Variants in NUS1 observed in about 807,000 individuals in gnomAD.
NUS1 encodes NUS1 dehydrodolichyl diphosphate synthase subunit, also known as dehydrodolichyl diphosphate synthase complex subunit NUS1.
For missense variants in NUS1, 292 were observed against 382.9 expected, an observed-to-expected ratio of 0.76 and a Z score of 1.98; for synonymous variants, 135 against 155.2, an observed-to-expected ratio of 0.87 and a Z score of 0.97.
rs144223256 is a variant in NUS1 at position 117,681,343 on chromosome 6, CAG to C, written c.415+5261_415+5262del. ...ATCCTTCTCATTTTTGCTTTTCTTA[CAG>C]AGTGTATCTTGGTGTTATGCATGTA... On this transcript the variant is annotated intron_variant, in intron 1 of 4. Transcript: ENST00000368494. 1.8e-3 allele frequency among the ~76,000 whole-genome samples: 277 copies of C among 152,232 alleles called. 1 individual carries two copies. Among genetic ancestry groups the C allele is most frequent in the African/African-American group, 6.3e-3 (260 of 41,536 alleles).
At chr6:117,678,133 A>C (rs1042917173) in intron 1 of NUS1, among the ~76,000 whole-genome samples, 1 of 152,252 alleles carries the variant, frequency 6.6e-6, no homozygotes, top group Non-Finnish European at 1.5e-5. Flanking sequence ...ATTAGTAATT[A>C]AAAGGAAGAA....
rs74634648 is a variant in NUS1 at position 117,684,424 on chromosome 6, C to T, written c.415+8339C>T. ...CTAATCCTTGTTTTAGTCTCCATTGCAGCCATCCAAGTTTAAATTACCATT... is the reference window on the plus strand; with the variant it reads ...CTAATCCTTGTTTTAGTCTCCATTGTAGCCATCCAAGTTTAAATTACCATT... On this transcript the variant is annotated intron_variant, in intron 1 of 4. Transcript: ENST00000368494. Among the ~76,000 whole-genome samples, 1,129 of 152,308 alleles carry T rather than the reference C, an allele frequency of 7.4e-3. 10 individuals carry two copies. The highest frequency in any genetic ancestry group is 0.026 in the African/African-American group (1,070 of 41,570).
At chr6:117,701,529 C>T (rs936537711) in intron 3 of NUS1, among the ~76,000 whole-genome samples, 15 of 152,132 alleles carry the variant, frequency 9.9e-5, no homozygotes, top group African/African-American at 3.6e-4. Context: ...CAGGCGTGAG[C>T]CACCACGCCC....
At chr6:117,700,382 T>G (rs1186567332) in intron 3 of NUS1, among the ~76,000 whole-genome samples, 1 of 152,236 alleles carries the variant, frequency 6.6e-6, no homozygotes, top group Admixed American at 6.5e-5. Context: ...AATAGGTATA[T>G]GCAAAGATGC....
chr6:117,694,898 A>C (rs1403024589), intron 3 of NUS1, among the ~76,000 whole-genome samples: 1 of 152,114 alleles, frequency 6.6e-6, no homozygotes, highest in African/African-American at 2.4e-5. Context: ...TTTACTTATT[A>C]ATCGTGCATT....
intron 4 of NUS1, among the ~76,000 whole-genome samples, chr6:117,705,373 T>C (rs1481727643): frequency 2.6e-5 from 4 of 152,204 alleles, no homozygotes; most frequent in Non-Finnish European, 5.9e-5. Context: ...ATCTTGACTA[T>C]ACAGCTCTAT....
chr6:117,697,440 C>A (rs890779091), intron 3 of NUS1, among the ~76,000 whole-genome samples: 5 of 151,878 alleles, frequency 3.3e-5, no homozygotes, highest in Admixed American at 6.6e-5. Flanking sequence ...GACACACAGA[C>A]TGAAAATAAA....
chr6:117,681,546 T>C (rs1159761801), intron 1 of NUS1, among the ~76,000 whole-genome samples: 3 of 152,236 alleles, frequency 2.0e-5, no homozygotes, highest in Admixed American at 2.0e-4. Flanking sequence ...GTGACACAGA[T>C]GCTATTGAGA....
Position 117,676,111 on chromosome 6 carries a change from G to C in NUS1, c.415+26G>C, listed in dbSNP as rs762095703. 1.0e-5 allele frequency: 16 copies of C among 1,550,052 alleles called. 1 individual carries two copies. In the South Asian group the frequency reaches 1.9e-4, roughly 18 times the overall value. ...GTGAGGCCCGGTGCGGTGGTGGGGGGTGGCCGAGGCGTCTTGGACCGCTAG... is the reference window on the plus strand; with the variant it reads ...GTGAGGCCCGGTGCGGTGGTGGGGGCTGGCCGAGGCGTCTTGGACCGCTAG... On this transcript the variant is annotated intron_variant, in intron 1 of 4. Coordinates refer to ENST00000368494, the MANE Select transcript of NUS1 (RefSeq NM_138459.5).
intron 4 of NUS1, among the ~76,000 whole-genome samples, chr6:117,706,697 C>T (rs557516788): frequency 1.3e-5 from 2 of 152,254 alleles, no homozygotes; most frequent in African/African-American, 4.8e-5. Context: ...CACTACCCCT[C>T]GGTGCCTCAG....
intron 1 of NUS1, among the ~76,000 whole-genome samples, chr6:117,690,419 A>G (rs919413545): frequency 1.3e-5 from 2 of 152,168 alleles, no homozygotes; most frequent in Middle Eastern, 3.2e-3. Flanking sequence ...TCCCAAGTGT[A>G]TATATATCTA....
At chr6:117,687,352 T>C (rs1773155445) in intron 1 of NUS1, among the ~76,000 whole-genome samples, 1 of 152,118 alleles carries the variant, frequency 6.6e-6, no homozygotes, top group Non-Finnish European at 1.5e-5. Context: ...ATGGAAAATA[T>C]GGGAAAAGAG....
intron 4 of NUS1, among the ~76,000 whole-genome samples, chr6:117,705,540 T>G (rs1773488591): frequency 6.6e-6 from 1 of 152,196 alleles, no homozygotes; most frequent in Admixed American, 6.6e-5. Flanking sequence ...TATATCACAT[T>G]ATACTGAGGT....
chr6:117,699,901 A>G (rs887435162), intron 3 of NUS1, among the ~76,000 whole-genome samples: 2 of 152,174 alleles, frequency 1.3e-5, no homozygotes, highest in African/African-American at 4.8e-5. Context: ...AGAACATACA[A>G]TGGGAAAAAC....
At chr6:117,704,940 A>G (rs1773478844) in intron 4 of NUS1, among the ~76,000 whole-genome samples, 1 of 152,200 alleles carries the variant, frequency 6.6e-6, no homozygotes. Flanking sequence ...AGTCAAGGCT[A>G]AAGATACATG....
At chr6:117,695,066 C>T (rs995714866) in intron 3 of NUS1, among the ~76,000 whole-genome samples, 10 of 151,642 alleles carry the variant, frequency 6.6e-5, no homozygotes, top group African/African-American at 1.7e-4. Context: ...TGGTGGCTCA[C>T]GCCTGTGGTC....
intron 3 of NUS1, among the ~76,000 whole-genome samples, chr6:117,695,193 C>CAAAAAAAAAAAAAAAAAA (rs58136219): frequency 2.0e-4 from 11 of 55,230 alleles, no homozygotes; most frequent in Non-Finnish European, 2.3e-4. Flanking sequence ...GACCCTGTCT[C>CAAAAAAAAAAAAAAAAAA]AAAAAAAAAA....
intron 1 of NUS1, among the ~76,000 whole-genome samples, chr6:117,683,319 C>A (rs898030907): frequency 6.6e-6 from 1 of 152,160 alleles, no homozygotes; most frequent in Non-Finnish European, 1.5e-5. Flanking sequence ...TCCTGAAGGG[C>A]TCTCTCCTGA....
intron 3 of NUS1, among the ~76,000 whole-genome samples, chr6:117,696,703 A>G (rs1773325682): frequency 6.6e-6 from 1 of 152,156 alleles, no homozygotes; most frequent in South Asian, 2.1e-4. Flanking sequence ...CGAAGAAGAA[A>G]TAGACTTTCC....
Sources: allele counts gnomAD v4.1 joint callset (sites outside exome capture counted in the v4.1 genomes callset), GRCh38; gene constraint gnomAD v4.1.1; transcripts MANE v1.5; gene names NCBI Gene and HGNC (gene_info 2026-07-23, HGNC 2026-07-21).